Variants in DONSON observed in about 807,000 individuals in gnomAD.
DONSON encodes the protein protein downstream neighbor of Son.
A neutral mutation model predicts 62.1 loss-of-function variants in DONSON; 43 were observed. The observed-to-expected ratio is 0.69, with a 90% CI of 0.54 to 0.89. DONSON has a LOEUF of 0.89. DONSON is among the 40% of genes least tolerant of loss of function. The pLI is 0.00. For synonymous variants in DONSON, 266 were observed against 264.6 expected, an observed-to-expected ratio of 1.01 and a Z score of -0.05; for missense variants, 696 against 697.5, an observed-to-expected ratio of 1.00 and a Z score of 0.03.
Position 33,579,354 on chromosome 21 carries a change from T to C in DONSON, c.1559A>G (p.Asp520Gly), listed in dbSNP as rs1376545072. 7.5e-6 allele frequency: 12 copies of C among 1,598,776 alleles called. No individual in the cohort carries two copies. The highest frequency in any genetic ancestry group is 1.3e-5 in the African/African-American group (1 of 74,796). ...NICLQMDKVL[D>G]MEVVHKELTN... ...TGCTCATAGGTGTCTACTTACCATATCAAGTACTTTGTCCATTTGCAGGCA... is the reference window on the plus strand; with the variant it reads ...TGCTCATAGGTGTCTACTTACCATACCAAGTACTTTGTCCATTTGCAGGCA... Residue 520 changes from aspartate (D) to glycine (G), a missense_variant, in exon 9 of 10, where the codon GAT (aspartate) becomes GGT (glycine). Transcript: ENST00000303071.
rs371685464 is a variant in DONSON, at chr21:33,586,166, A to G, written c.418T>C (p.Phe140Leu). Residue 140 changes from phenylalanine to leucine, a missense_variant, in exon 3 of 10, where the codon TTC becomes CTC. Transcript: ENST00000303071. Reference sequence around the variant, plus strand: ...GAGGACGGAATATCAGGCTCGGAGAATGATACATGTGAAGTCTTTAGAAAA... The same window carrying G: ...GAGGACGGAATATCAGGCTCGGAGAGTGATACATGTGAAGTCTTTAGAAAA... ...TELPQTSHVS[F>L]SEPDIPSSKS... 5.6e-6 allele frequency: 9 copies of G among 1,614,020 alleles called. No homozygotes were observed. The highest frequency in any genetic ancestry group is 1.3e-5 in the African/African-American group (1 of 74,928).
At chr21:33,586,702 C>T (rs1226746726) in intron 2 of DONSON, among the ~76,000 whole-genome samples, 3 of 150,640 alleles carry the variant, frequency 2.0e-5, no homozygotes, top group African/African-American at 7.3e-5. Context: ...GGTGTGATCT[C>T]GGCTCAGTAC....
At chr21:33,580,785 G>C (rs191393007) in intron 8 of DONSON, among the ~76,000 whole-genome samples, 32 of 152,276 alleles carry the variant, frequency 2.1e-4, no homozygotes, top group Admixed American at 1.8e-3. Flanking sequence ...GAGAGGCTGA[G>C]GCAGAAGAAT....
rs1569073245 is a variant in DONSON, at chr21:33,577,686, CACACACACACACACA to C, written c.*606_*620del. 50 of 112,340 alleles carry C rather than the reference CACACACACACACACA, an allele frequency of 4.5e-4. No individual in the cohort carries two copies. The highest frequency in any genetic ancestry group is 6.6e-4 in the Non-Finnish European group (38 of 57,204). The allele number at this position is 112,340 out of a possible 1,614,324, so 7.0% of individuals were successfully genotyped here. On this transcript the variant is annotated 3_prime_UTR_variant, in exon 10 of 10. Coordinates refer to ENST00000303071, the MANE Select transcript of DONSON (RefSeq NM_017613.4). Reference sequence around the variant, plus strand: ...ACACACACACACACACACACACACACACACACACACACACACCCCTATAAGCACATTAAATACTAC... The same window carrying C: ...ACACACACACACACACACACACACACCCCCTATAAGCACATTAAATACTAC...
chr21:33,584,014 T>TTATATATATATATATATATATATA (rs57309977), intron 4 of DONSON, among the ~76,000 whole-genome samples: 1 of 121,570 alleles, frequency 8.2e-6, no homozygotes, highest in Non-Finnish European at 1.6e-5. Context: ...GGCTGCGTGT[T>TTATATATATATATATATATATATA]TATATATATA....
chr21:33,581,333 G>A lies in DONSON; in HGVS notation c.1319C>T (p.Ala440Val), dbSNP rs2086508989. The A allele has an allele frequency of 1.2e-6, 2 of 1,614,040 alleles. No homozygotes were observed. The highest frequency in any genetic ancestry group is 1.7e-6 in the Non-Finnish European group (2 of 1,180,034). The change falls in exon 8 of 10, where the codon GCT becomes GTT. Residue 440 changes from alanine to valine, a missense_variant. By Grantham distance (64) the Ala-to-Val change is moderately conservative (BLOSUM62 0). Coordinates refer to ENST00000303071, the MANE Select transcript of DONSON (RefSeq NM_017613.4). ...CATTTGCATTGTGGCACCTCGGAAA[G>A]CAACAGGGGACAAGAGGGTTGGAGG... ...GLPPTLLSPV[A>V]FRGATMQMLK...
At chr21:33,581,872 A>G in intron 7 of DONSON, 79 bp downstream of exon 7, 1 of 1,260,162 alleles carries the variant, frequency 7.9e-7, no homozygotes, top group Non-Finnish European at 1.2e-6. Flanking sequence ...TTATAATCAT[A>G]TAAAACTGCC....
intron 8 of DONSON, among the ~76,000 whole-genome samples, chr21:33,580,914 AAAC>A (rs1301536637): frequency 1.3e-5 from 2 of 151,872 alleles, no homozygotes; most frequent in Non-Finnish European, 2.9e-5. Flanking sequence ...AGAAAAAAAA[AAAC>A]AAAAAAAATA....
intron 5 of DONSON, among the ~76,000 whole-genome samples, chr21:33,582,776 G>A (rs570306462): frequency 1.9e-4 from 29 of 152,240 alleles, no homozygotes; most frequent in Admixed American, 2.6e-4. Flanking sequence ...GGAGGTGAGC[G>A]ACTGTCGAGT....
chr21:33,583,332 T>C (rs765325630), intron 5 of DONSON, among the ~76,000 whole-genome samples, 156 bp downstream of exon 5: 1 of 151,350 alleles, frequency 6.6e-6, no homozygotes, highest in Non-Finnish European at 1.5e-5. Flanking sequence ...GATTAAATAA[T>C]TGTGGGGGAG....
chr21:33,587,127 G>A (rs2086586067), intron 2 of DONSON, among the ~76,000 whole-genome samples: 1 of 152,198 alleles, frequency 6.6e-6, no homozygotes, highest in African/African-American at 2.4e-5. Flanking sequence ...GGAAACGTGT[G>A]TGTGTTAGGG....
intron 3 of DONSON, 116 bp downstream of exon 3, chr21:33,585,862 A>T: frequency 1.0e-6 from 1 of 979,518 alleles, no homozygotes; most frequent in Non-Finnish European, 1.5e-6. Context: ...CTGTCTTTGT[A>T]TCTTTAAATT....
intron 7 of DONSON, 93 bp downstream of exon 7, chr21:33,581,858 A>T: frequency 9.0e-7 from 1 of 1,112,386 alleles, no homozygotes; most frequent in Non-Finnish European, 1.3e-6. Context: ...AAGATAATTT[A>T]AGATTATAAT....
intron 5 of DONSON, among the ~76,000 whole-genome samples, chr21:33,583,223 A>AAAAAAAAAAAAAAAAAAAAAAAAAAC (rs2086536616): frequency 7.1e-6 from 1 of 141,438 alleles, no homozygotes; most frequent in African/African-American, 2.7e-5. Flanking sequence ...AAAAAAAAAA[A>AAAAAAAAAAAAAAAAAAAAAAAAAAC]AAGAATGATC....
intron 5 of DONSON, 32 bp downstream of exon 5, chr21:33,583,456 A>T (rs1262131700): frequency 1.9e-6 from 3 of 1,597,534 alleles, no homozygotes; most frequent in African/African-American, 1.3e-5. Context: ...ACTATATAGT[A>T]TAGTATTCTC....
chr21:33,586,484 T>C (rs993939225), intron 2 of DONSON, among the ~76,000 whole-genome samples: 4 of 152,186 alleles, frequency 2.6e-5, no homozygotes, highest in African/African-American at 9.7e-5. Flanking sequence ...GAAGTAGAAA[T>C]ATTCCAAGTG....
rs751194578 is a variant in DONSON at position 33,586,134 on chromosome 21, A to G, written c.450T>C (p.Ser150=). 6 of 1,614,164 alleles carry G rather than the reference A, an allele frequency of 3.7e-6. No homozygotes were observed. The South Asian group carries it at 5.5e-5, about 15-fold the overall frequency. ...TACTCCAGTCCACAGGTAACTCAGT[A>G]CTTTTTGAGGACGGAATATCAGGCT... The part of the protein sequence containing the change: ...FSEPDIPSSK[S]TELPVDWSIK... Residue 150 remains serine (S), a synonymous_variant, in exon 3 of 10, where the codon AGT becomes AGC. Transcript: ENST00000303071.
At chr21:33,581,651 T>C (rs1485558218) in intron 7 of DONSON, 151 bp from the exon 8 acceptor site, 1 of 740,588 alleles carries the variant, frequency 1.4e-6, no homozygotes, top group African/African-American at 1.8e-5. Flanking sequence ...AAGGCATATG[T>C]TTCAATCAAA....
Position 33,586,135 on chromosome 21 carries a change from C to A in DONSON, c.449G>T (p.Ser150Ile), listed in dbSNP as rs754454018. ...ACTCCAGTCCACAGGTAACTCAGTA[C>A]TTTTTGAGGACGGAATATCAGGCTC... ...FSEPDIPSSK[S>I]TELPVDWSIK... Residue 150 changes from serine (S) to isoleucine (I), a missense_variant, in exon 3 of 10, where the codon AGT becomes ATT. Ser to Ile is a moderately radical substitution (Grantham distance 142). Coordinates refer to ENST00000303071, the MANE Select transcript of DONSON (RefSeq NM_017613.4). The A allele has an allele frequency of 6.8e-6, 11 of 1,614,098 alleles. No homozygotes were observed. The highest frequency in any genetic ancestry group is 7.6e-6 in the Non-Finnish European group (9 of 1,180,010).
Sources: gnomAD v4.1 joint callset for allele counts (sites outside exome capture counted in the v4.1 genomes callset) on GRCh38, gnomAD v4.1.1 for gene constraint, MANE v1.5 for transcripts, NCBI Gene and HGNC (gene_info 2026-07-23, HGNC 2026-07-21) for gene names.